Variants in GBE1 observed in about 807,000 individuals in gnomAD.
GBE1 encodes the protein 1,4-alpha-glucan branching enzyme 1.
In GBE1, 70 loss-of-function variants were observed where a neutral mutation model predicts 88.8. The ratio of observed to expected loss-of-function variants is 0.79; its 90% CI spans 0.65 to 0.96. The LOEUF is 0.96. Among genes scored for constraint, GBE1 ranks in the 40% least tolerant of loss-of-function variants. The pLI, the probability that GBE1 is intolerant of heterozygous loss-of-function variation, is 0.00. For missense variants in GBE1, 872 were observed against 871.0 expected (o/e 1.00, Z -0.01); for synonymous variants, 284 against 300.1 (o/e 0.95, Z 0.56).
intron 1 of GBE1, among the ~76,000 whole-genome samples, chr3:81,752,357 A>G (rs1706542375): frequency 6.6e-6 from 1 of 152,148 alleles, no homozygotes; most frequent in African/African-American, 2.4e-5. Flanking sequence ...TCTTATTTTC[A>G]AAGTTACTCC....
chr3:81,749,761 A>C (rs1575777026), intron 1 of GBE1, among the ~76,000 whole-genome samples: 1 of 152,210 alleles, frequency 6.6e-6, no homozygotes, highest in East Asian at 1.9e-4. Context: ...CTCTGTTTGC[A>C]ACTTTCTGTG....
intron 2 of GBE1, among the ~76,000 whole-genome samples, chr3:81,699,754 C>T (rs1413052805): frequency 6.6e-6 from 1 of 152,138 alleles, no homozygotes; most frequent in African/African-American, 2.4e-5. Flanking sequence ...TCTGCCTTCC[C>T]CAGTCCACTG....
chr3:81,583,618 T>C (rs1039965228), intron 10 of GBE1, among the ~76,000 whole-genome samples: 4 of 151,942 alleles, frequency 2.6e-5, no homozygotes, highest in African/African-American at 9.7e-5. Context: ...CTCGAGAAAA[T>C]TTTGCTAACT....
intron 12 of GBE1, among the ~76,000 whole-genome samples, chr3:81,575,164 CAAAA>C (rs760005850): frequency 2.3e-5 from 2 of 85,948 alleles, no homozygotes; most frequent in Admixed American, 1.3e-4. Flanking sequence ...GACTCCATCT[CAAAA>C]AAAAAAAAAA....
At chr3:81,499,352 CA>C in intron 14 of GBE1, 125 bp from the exon 15 acceptor site, 1 of 695,426 alleles carries the variant, frequency 1.4e-6, no homozygotes, top group Non-Finnish European at 2.7e-6. Flanking sequence ...GCTAAGAACT[CA>C]TTTCTTCTTT....
intron 12 of GBE1, among the ~76,000 whole-genome samples, chr3:81,557,508 A>G (rs1249428487): frequency 6.6e-5 from 10 of 152,010 alleles, no homozygotes. Flanking sequence ...GAAGAAAGAA[A>G]GGAGAAGGGA....
intron 7 of GBE1, among the ~76,000 whole-genome samples, chr3:81,629,642 T>C (rs1225288916): frequency 6.6e-6 from 1 of 152,178 alleles, no homozygotes; most frequent in Non-Finnish European, 1.5e-5. Context: ...GCAGTTCACA[T>C]GGGGCTACTG....
At chr3:81,602,557 G>A (rs543638785) in intron 7 of GBE1, among the ~76,000 whole-genome samples, 1 of 152,074 alleles carries the variant, frequency 6.6e-6, no homozygotes, top group African/African-American at 2.4e-5. Flanking sequence ...TCACATGGTA[G>A]AAAGAGTGTG....
intron 7 of GBE1, among the ~76,000 whole-genome samples, chr3:81,596,943 C>A (rs1224816006): frequency 6.6e-6 from 1 of 151,942 alleles, no homozygotes; most frequent in African/African-American, 2.4e-5. Flanking sequence ...AATATTATTT[C>A]TACTCTCATA....
chr3:81,663,749 C>A (rs770714958), intron 3 of GBE1, among the ~76,000 whole-genome samples: 2 of 152,106 alleles, frequency 1.3e-5, no homozygotes, highest in Admixed American at 6.5e-5. Context: ...TAAACATTCA[C>A]CCCCAGGCAC....
At chr3:81,716,265 T>G (rs1441969603) in intron 1 of GBE1, among the ~76,000 whole-genome samples, 2 of 152,120 alleles carry the variant, frequency 1.3e-5, no homozygotes, top group African/African-American at 4.8e-5. Context: ...ATAAAATATA[T>G]AGAGAAGTTA....
chr3:81,674,594 A>T (rs1255438405), intron 2 of GBE1, among the ~76,000 whole-genome samples: 1 of 151,912 alleles, frequency 6.6e-6, no homozygotes. Context: ...AAATAATATA[A>T]GCTGGTAGAC....
chr3:81,704,513 C>A (rs570364072), intron 2 of GBE1, among the ~76,000 whole-genome samples: 1 of 152,116 alleles, frequency 6.6e-6, no homozygotes, highest in East Asian at 1.9e-4. Context: ...CAACCCCTGA[C>A]AACAATGATC....
chr3:81,653,895 G>T (rs1704890118), intron 3 of GBE1, among the ~76,000 whole-genome samples: 1 of 152,060 alleles, frequency 6.6e-6, no homozygotes, highest in South Asian at 2.1e-4. Context: ...ACAGATTCTA[G>T]ATTCCAAAAA....
At chr3:81,587,164 T>C (rs1400335653) in intron 9 of GBE1, among the ~76,000 whole-genome samples, 2 of 152,108 alleles carry the variant, frequency 1.3e-5, no homozygotes. Context: ...CAGGGGGTCC[T>C]TTCTACTCTA....
At chr3:81,491,850 C>T (rs1702439931) in intron 15 of GBE1, among the ~76,000 whole-genome samples, 1 of 152,126 alleles carries the variant, frequency 6.6e-6, no homozygotes, top group South Asian at 2.1e-4. Flanking sequence ...TCCAATGCAT[C>T]TCAACTCTAC....
chr3:81,686,902 T>A (rs1434160048), intron 2 of GBE1, among the ~76,000 whole-genome samples: 1 of 152,216 alleles, frequency 6.6e-6, no homozygotes, highest in Non-Finnish European at 1.5e-5. Flanking sequence ...CTATATAGTA[T>A]AAAATATATA....
At chr3:81,688,915 C>T (rs1344598803) in intron 2 of GBE1, among the ~76,000 whole-genome samples, 2 of 151,790 alleles carry the variant, frequency 1.3e-5, no homozygotes, top group Admixed American at 1.3e-4. Flanking sequence ...ATCCATTCAA[C>T]ATATTAAATA....
At position 81,562,760 on chromosome 3, in the gene GBE1, C is replaced by G. The variant is rs1457346048; in HGVS notation, c.1618+15165G>C. ...AGAAAATATATCGCCAAAGAGAAAC[C>G]TATGTCTCTCTTAGTGAGAAGGAAA... is the stretch of plus-strand genomic sequence containing the variant. On this transcript the variant is annotated intron_variant, in intron 12 of 15. Transcript: ENST00000429644. 2.6e-5 allele frequency among the ~76,000 whole-genome samples: 4 copies of G among 151,924 alleles called. No individual in the cohort carries two copies. The East Asian group carries it at 7.7e-4, about 29-fold the overall frequency.
Sources: gnomAD v4.1 joint callset for allele counts (sites outside exome capture counted in the v4.1 genomes callset) on GRCh38, gnomAD v4.1.1 for gene constraint, MANE v1.5 for transcripts, NCBI Gene and HGNC (gene_info 2026-07-23, HGNC 2026-07-21) for gene names.